Variants in EPB41 observed in about 807,000 individuals in gnomAD.
The protein encoded by EPB41 is protein 4.1.
In EPB41, 65 loss-of-function variants were observed where a neutral mutation model predicts 108.0. That is an observed-to-expected ratio of 0.60 (90% CI 0.49 to 0.74). The LOEUF is 0.74. Ranked by LOEUF, EPB41 falls within the 30% of genes least tolerant of loss-of-function variation. The pLI, the probability that EPB41 is intolerant of heterozygous loss-of-function variation, is 0.00. For synonymous variants in EPB41, 336 were observed against 358.9 expected (o/e 0.94, Z 0.72); for missense variants, 875 against 1,037.0 (o/e 0.84, Z 2.15).
chr1:29,000,631 C>G (rs186336743), intron 4 of EPB41, among the ~76,000 whole-genome samples: 1 of 152,270 alleles, frequency 6.6e-6, no homozygotes, highest in East Asian at 1.9e-4. Context: ...AGAGCCCCTA[C>G]TGGGGAAGTC....
chr1:28,914,568 C>T (rs933990851), upstream of EPB41: 1 of 151,900 alleles, frequency 6.6e-6, no homozygotes, highest in African/African-American at 2.4e-5. Context: ...CCTCGCCTCG[C>T]AGAGGGAAGG....
chr1:28,938,603 G>A (rs1012691015), intron 1 of EPB41, among the ~76,000 whole-genome samples: 2 of 146,668 alleles, frequency 1.4e-5, no homozygotes, highest in African/African-American at 5.1e-5. Context: ...TGCGATTTTT[G>A]CTCACTGCAA....
rs943424487 is a variant in EPB41 at position 28,934,093 on chromosome 1, C to T, written c.-8+19325C>T. 8.6e-5 allele frequency among the ~76,000 whole-genome samples: 13 copies of T among 152,006 alleles called. No individual in the cohort carries two copies. In the East Asian group the frequency reaches 2.5e-3, roughly 29 times the overall value. On this transcript the variant is annotated intron_variant, in intron 1 of 20. Transcript: ENST00000343067. Reference sequence around the variant, plus strand: ...ACAGTTTTCTTGGTTGTGATTGTTTCTCAGACTTGCTTTGTTTTTGATGAT... The same window carrying T: ...ACAGTTTTCTTGGTTGTGATTGTTTTTCAGACTTGCTTTGTTTTTGATGAT...
intron 1 of EPB41, among the ~76,000 whole-genome samples, chr1:28,897,600 A>AAGGGGAGGGGAGGGGAGAGG (rs2090814266): frequency 1.3e-5 from 1 of 78,356 alleles, no homozygotes; most frequent in Non-Finnish European, 2.3e-5. Flanking sequence ...AAGGGAAGGG[A>AAGGGGAGGGGAGGGGAGAGG]AGGGGAGGGG....
intron 7 of EPB41, among the ~76,000 whole-genome samples, chr1:29,027,755 T>G (rs1287946810): frequency 1.3e-5 from 2 of 152,222 alleles, no homozygotes; most frequent in Admixed American, 6.5e-5. Flanking sequence ...GTAAAAAATT[T>G]TAAATGCAAA....
chr1:28,981,172 A>G (rs549640791), intron 1 of EPB41, among the ~76,000 whole-genome samples: 1 of 152,334 alleles, frequency 6.6e-6, no homozygotes, highest in South Asian at 2.1e-4. Flanking sequence ...GGATAAGAAG[A>G]CACACAATGG....
intron 16 of EPB41, 187 bp from the exon 17 acceptor site, chr1:29,097,620 A>T: frequency 1.5e-6 from 1 of 648,408 alleles, no homozygotes; most frequent in Non-Finnish European, 2.7e-6. Context: ...AATATCCCTC[A>T]TGATTTGACA....
intron 16 of EPB41, among the ~76,000 whole-genome samples, chr1:29,074,288 C>G (rs1449281167): frequency 1.3e-5 from 2 of 152,138 alleles, no homozygotes; most frequent in Non-Finnish European, 2.9e-5. Flanking sequence ...ATAGCATTCT[C>G]TGCAGCTTTG....
intron 16 of EPB41, among the ~76,000 whole-genome samples, chr1:29,087,237 A>G (rs893900089): frequency 3.3e-5 from 5 of 151,120 alleles, no homozygotes; most frequent in East Asian, 2.0e-4. Flanking sequence ...CACCGTGCCC[A>G]GCCAACTGTG....
chr1:29,053,587 T>C, intron 12 of EPB41: 1 of 313,238 alleles, frequency 3.2e-6, no homozygotes, highest in East Asian at 8.0e-5. Context: ...TGAGATGGAG[T>C]CTCGCTCTGT....
chr1:28,925,805 G>T (rs1276229776), intron 1 of EPB41, among the ~76,000 whole-genome samples: 1 of 152,192 alleles, frequency 6.6e-6, no homozygotes, highest in Non-Finnish European at 1.5e-5. Context: ...TATTGCCTGT[G>T]TTAATGACTT....
chr1:28,945,639 TA>T (rs1371393050), intron 1 of EPB41, among the ~76,000 whole-genome samples: 1 of 152,248 alleles, frequency 6.6e-6, no homozygotes, highest in Non-Finnish European at 1.5e-5. Flanking sequence ...TATTCTGTTT[TA>T]AAATTTTCTT....
chr1:28,956,038 C>T (rs2094936616), intron 1 of EPB41, among the ~76,000 whole-genome samples: 1 of 152,156 alleles, frequency 6.6e-6, no homozygotes, highest in South Asian at 2.1e-4. Context: ...TGAGTTGTTT[C>T]CTTTTTTGCA....
At chr1:28,967,936 C>T (rs1486994402) in intron 1 of EPB41, among the ~76,000 whole-genome samples, 1 of 151,814 alleles carries the variant, frequency 6.6e-6, no homozygotes, top group African/African-American at 2.4e-5. Context: ...TCCTGAATAG[C>T]TGGGATTACA....
intron 1 of EPB41, among the ~76,000 whole-genome samples, chr1:28,962,387 C>T (rs1167221374): frequency 6.6e-6 from 1 of 152,086 alleles, no homozygotes; most frequent in African/African-American, 2.4e-5. Context: ...CTTTTAATGG[C>T]AAAAACCGCA....
intron 17 of EPB41, among the ~76,000 whole-genome samples, chr1:29,101,722 C>T (rs1474164071): frequency 1.3e-5 from 2 of 151,764 alleles, no homozygotes; most frequent in Non-Finnish European, 1.5e-5. Context: ...TAAAGTTTAT[C>T]GATACTAACA....
intron 5 of EPB41, among the ~76,000 whole-genome samples, chr1:29,013,154 G>A (rs1247263633): frequency 7.2e-5 from 11 of 151,732 alleles, no homozygotes; most frequent in Admixed American, 2.0e-4. Flanking sequence ...GTGAAACCCC[G>A]TCTCTACTAA....
intron 1 of EPB41, among the ~76,000 whole-genome samples, chr1:28,922,746 G>C (rs2093188978): frequency 6.6e-6 from 1 of 151,436 alleles, no homozygotes. Flanking sequence ...TTCTGCCTCA[G>C]CCTCCCAAGT....
intron 16 of EPB41, chr1:29,096,399 C>A (rs764491901): frequency 6.1e-6 from 6 of 985,788 alleles, no homozygotes; most frequent in African/African-American, 1.7e-5. Context: ...AGAGGCCCAA[C>A]TGGGGGATGT....
Sources: allele counts gnomAD v4.1 joint callset (sites outside exome capture counted in the v4.1 genomes callset), GRCh38; gene constraint gnomAD v4.1.1; transcripts MANE v1.5; gene names NCBI Gene and HGNC (gene_info 2026-07-23, HGNC 2026-07-21).